WDR4: variants seen among roughly 807,000 people sequenced by gnomAD.
WDR4 encodes tRNA (guanine-N(7)-)-methyltransferase non-catalytic subunit WDR4.
Under a neutral mutation model 48.6 loss-of-function variants are expected in WDR4, and 47 were observed. That is an observed-to-expected ratio of 0.97 (90% confidence interval 0.77 to 1.23). The LOEUF is 1.23. WDR4 is among the 50% of genes most tolerant of loss of function. The pLI is 0.00. For missense variants in WDR4, 606 were observed against 551.6 expected, an observed-to-expected ratio of 1.10 and a Z score of -0.99; for synonymous variants, 268 against 230.0, an observed-to-expected ratio of 1.17 and a Z score of -1.49.
At chr21:42,880,059 G>C (rs1302446561), upstream of WDR4, among the ~76,000 whole-genome samples, 1 of 151,866 alleles carries the variant, frequency 6.6e-6, no homozygotes, top group Non-Finnish European at 1.5e-5. Context: ...GAACCCGGGA[G>C]GCGGAGGTTG....
chr21:42,890,074 C>T, the WDR4 span, among the ~76,000 whole-genome samples: 1 of 149,846 alleles, frequency 6.7e-6, no homozygotes, highest in Admixed American at 6.7e-5. Flanking sequence ...AGAGTAAGAA[C>T]CTAAAAGAAA....
intron 10 of WDR4, 32 bp downstream of exon 10, chr21:42,852,223 C>T (rs1230630208): frequency 6.2e-7 from 1 of 1,612,168 alleles, no homozygotes; most frequent in Non-Finnish European, 8.5e-7. Flanking sequence ...CTGGGTGTGA[C>T]CCCCAAGGGC....
At chr21:42,890,133 C>T in the WDR4 span, among the ~76,000 whole-genome samples, 5 of 151,728 alleles carry the variant, frequency 3.3e-5, no homozygotes. Flanking sequence ...GGCATGCATG[C>T]GAATGGTGTG....
At chr21:42,892,615 AAGGCAGAGAAG>A in the WDR4 span, among the ~76,000 whole-genome samples, 4 of 152,206 alleles carry the variant, frequency 2.6e-5, no homozygotes, top group African/African-American at 4.8e-5. Flanking sequence ...CACGCGGCGG[AAGGCAGAGAAG>A]AGGCAGAGAA....
chr21:42,875,916 C>CTTT lies in WDR4; in HGVS notation c.155+783_155+785dup, dbSNP rs71194083. Reference sequence around the variant, plus strand: ...TATTTAGAAAAGTCCTAACACTGTGCTTTTTTTTTTTTTTTTTTTGAGACG... The same window carrying CTTT: ...TATTTAGAAAAGTCCTAACACTGTGCTTTTTTTTTTTTTTTTTTTTTTGAGACG... On this transcript the variant is annotated intron_variant, in intron 2 of 10. Transcript: ENST00000398208. Among the ~76,000 whole-genome samples the CTTT allele has an allele frequency of 3.8e-4, 40 of 104,892 alleles. 3 individuals carry two copies. Among genetic ancestry groups the CTTT allele is most frequent in the East Asian group, 2.8e-3 (11 of 3,962 alleles). 68.8% of individuals were successfully genotyped at this position (104,892 alleles called of 152,430 possible).
intron 1 of WDR4, 100 bp downstream of exon 1, chr21:42,879,307 A>G (rs1025871308): frequency 1.3e-6 from 2 of 1,533,646 alleles, no homozygotes; most frequent in East Asian, 2.3e-5. Context: ...GGGTCACCCC[A>G]GAGTGGGTGC....
intron 6 of WDR4, among the ~76,000 whole-genome samples, chr21:42,858,071 G>A (rs1671532299): frequency 6.6e-6 from 1 of 152,144 alleles, no homozygotes; most frequent in South Asian, 2.1e-4. Context: ...CAGACTGGGA[G>A]ACAGAGCAAG....
At chr21:42,859,558 C>CCAGGGGCCAGCGATCCT in intron 6 of WDR4, 104 bp downstream of exon 6, 6 of 820,422 alleles carry the variant, frequency 7.3e-6, no homozygotes, top group African/African-American at 2.0e-5. Context: ...CCACAGCCAG[C>CCAGGGGCCAGCGATCCT]CAGGGGCCAG....
the WDR4 span, among the ~76,000 whole-genome samples, chr21:42,890,100 T>C: frequency 6.6e-6 from 1 of 151,800 alleles, no homozygotes; most frequent in Non-Finnish European, 1.5e-5. Flanking sequence ...ATATATATTA[T>C]ATATACCAGA....
Position 42,862,244 on chromosome 21 carries a change from A to G in WDR4, c.566+38T>C, listed in dbSNP as rs2058133969. On this transcript the variant is annotated intron_variant, in intron 5 of 10. Coordinates refer to ENST00000398208, the MANE Select transcript of WDR4 (RefSeq NM_018669.6). The surrounding 1 kb of genome is among the most constrained non-coding windows in gnomAD (Gnocchi z 4.3). Reference sequence around the variant, plus strand: ...GCAAGCTGACGCTGTTTTCAAACAGACCTTCTTTCTGCTGGAGGGGCAGGA... The same window carrying G: ...GCAAGCTGACGCTGTTTTCAAACAGGCCTTCTTTCTGCTGGAGGGGCAGGA... The G allele has an allele frequency of 1.9e-6, 3 of 1,546,204 alleles. No homozygotes were observed. Among genetic ancestry groups the G allele is most frequent in the Admixed American group, 1.9e-5 (1 of 53,800 alleles).
chr21:42,846,233 C>T (rs2057710323), downstream of WDR4, among the ~76,000 whole-genome samples: 2 of 152,166 alleles, frequency 1.3e-5, no homozygotes, highest in African/African-American at 2.4e-5. Flanking sequence ...ATAGAATGAA[C>T]GTGCTGTGGG....
chr21:42,876,270 A>G (rs1318572503), intron 2 of WDR4, among the ~76,000 whole-genome samples: 1 of 131,536 alleles, frequency 7.6e-6, no homozygotes, highest in Non-Finnish European at 1.6e-5. Flanking sequence ...CTGGAGTGCA[A>G]TGCCGCAATC....
intron 5 of WDR4, 69 bp from the exon 6 acceptor site, chr21:42,859,791 G>C: frequency 6.7e-7 from 1 of 1,484,684 alleles, no homozygotes; most frequent in East Asian, 2.5e-5. Flanking sequence ...GGCCTGGGGA[G>C]GCCGCCTGTT....
intron 3 of WDR4, among the ~76,000 whole-genome samples, chr21:42,863,916 C>A (rs1445032322): frequency 5.7e-5 from 5 of 87,882 alleles, no homozygotes; most frequent in African/African-American, 8.9e-5. Flanking sequence ...ACCATTCTGG[C>A]TAACACGGTG....
chr21:42,854,417 T>G, intron 8 of WDR4, 145 bp downstream of exon 8: 6 of 792,158 alleles, frequency 7.6e-6, no homozygotes, highest in Non-Finnish European at 9.6e-6. Context: ...TCATCAAAAG[T>G]GACATTCTCA....
chr21:42,868,651 C>G (rs1025305945), intron 3 of WDR4, among the ~76,000 whole-genome samples: 1 of 152,214 alleles, frequency 6.6e-6, no homozygotes, highest in African/African-American at 2.4e-5. Flanking sequence ...GGCCTTGGGC[C>G]CCACAGGCAG....
upstream of WDR4, among the ~76,000 whole-genome samples, chr21:42,880,526 G>A (rs996174925): frequency 2.0e-5 from 3 of 152,314 alleles, no homozygotes; most frequent in Admixed American, 2.0e-4. Flanking sequence ...ATGAGAAGAG[G>A]AGGAGACACA....
Position 42,850,072 on chromosome 21 carries a change from C to T in WDR4, c.1216G>A (p.Gly406Arg). 1 of 1,614,086 alleles carries T rather than the reference C, an allele frequency of 6.2e-7. No individual in the cohort carries two copies. The highest frequency in any genetic ancestry group is 8.5e-7 in the Non-Finnish European group (1 of 1,179,998). ...PDGHAKKMRP[G>R]EATLSC ...GATCAGCAACTTAGCGTCGCCTCCC[C>T]CGGTCTCATCTTCTTGGCATGCCCG... The change falls in exon 11 of 11, where the codon GGG (glycine) becomes AGG (arginine). Residue 406 changes from glycine (G) to arginine (R), a missense_variant. Transcript: ENST00000398208.
chr21:42,874,476 ACT>A (rs1290112594), intron 2 of WDR4, among the ~76,000 whole-genome samples: 1 of 152,136 alleles, frequency 6.6e-6, no homozygotes, highest in Non-Finnish European at 1.5e-5. Flanking sequence ...ATAACCTTAA[ACT>A]CTGACCGCTG....
Sources: gnomAD v4.1 joint callset for allele counts (sites outside exome capture counted in the v4.1 genomes callset) on GRCh38, gnomAD v4.1.1 for gene constraint, Gnocchi (gnomAD v3.1) non-coding constraint, MANE v1.5 for transcripts, NCBI Gene and HGNC (gene_info 2026-07-23, HGNC 2026-07-21) for gene names.